The following GAS7 variants were observed in gnomAD, a reference collection of about 807,000 sequenced individuals.
The protein encoded by GAS7 is growth arrest specific 7.
GAS7 carries 28 observed loss-of-function variants against 71.1 expected under a neutral mutation model. That is an observed-to-expected ratio of 0.39 (90% CI 0.29 to 0.54). The LOEUF (loss-of-function observed/expected upper bound fraction) is 0.54, where lower values mean the gene tolerates loss of function less well. Among genes scored for constraint, GAS7 ranks in the 20% least tolerant of loss-of-function variants. The pLI, the probability that GAS7 is intolerant of heterozygous loss-of-function variation, is 0.62. For missense variants in GAS7, 436 were observed against 627.8 expected, an observed-to-expected ratio of 0.69 and a Z score of 3.27; for synonymous variants, 258 against 245.8, an observed-to-expected ratio of 1.05 and a Z score of -0.46.
rs56075019 is a variant in GAS7, at chr17:9,922,879, T to C, written c.1138+2597A>G. Among the ~76,000 whole-genome samples the C allele has an allele frequency of 3.4e-3, 524 of 152,298 alleles. 1 individual carries two copies. The highest frequency in any genetic ancestry group is 0.012 in the African/African-American group (494 of 41,568). ...TAAGGAAAAATAAATGTCTGGTGGG[T>C]TACATATTTCACTGTCTTTTTTTGT... On this transcript the variant is annotated intron_variant, in intron 11 of 13. Transcript: ENST00000432992.
chr17:10,142,922 G>C (rs555477574), intron 1 of GAS7, among the ~76,000 whole-genome samples: 106 of 151,978 alleles, frequency 7.0e-4, no homozygotes, highest in African/African-American at 2.6e-3. Context: ...TGTAATCCCC[G>C]CACTTTGGGA....
Position 9,919,855 on chromosome 17 carries a change from A to C in GAS7, c.1139-150T>G, listed in dbSNP as rs1290189758. 6 of 690,202 alleles carry C rather than the reference A, an allele frequency of 8.7e-6. No homozygotes were observed. The highest frequency in any genetic ancestry group is 8.2e-5 in the South Asian group (5 of 61,172). 42.8% of individuals were successfully genotyped at this position (690,202 alleles called of 1,614,324 possible). A position where few individuals can be genotyped will look rare whatever the true frequency, so the allele number is the denominator to read the frequency against. On this transcript the variant is annotated intron_variant, in intron 11 of 13. Coordinates refer to ENST00000432992, the MANE Select transcript of GAS7 (RefSeq NM_201433.2). This position sits in a 1 kb window ranked among gnomAD's most constrained non-coding sequence, Gnocchi z 5.0. Reference sequence around the variant, plus strand: ...GAAAAGGGATGGCAGTAGGAAGAAGAAGAAAGCAGAGCCAGGGAAGGAAGG... The same window carrying C: ...GAAAAGGGATGGCAGTAGGAAGAAGCAGAAAGCAGAGCCAGGGAAGGAAGG...
At chr17:10,165,230 T>C (rs2074284983) in intron 1 of GAS7, among the ~76,000 whole-genome samples, 1 of 143,408 alleles carries the variant, frequency 7.0e-6, no homozygotes, top group Non-Finnish European at 1.5e-5. Context: ...AGGCAGAGCT[T>C]GCAGTGAGCA....
At chr17:9,964,281 C>T (rs763673562) in intron 4 of GAS7, among the ~76,000 whole-genome samples, 5 of 152,078 alleles carry the variant, frequency 3.3e-5, no homozygotes, top group Non-Finnish European at 5.9e-5. Flanking sequence ...AGCAGGCCCC[C>T]GACTCCAAAT....
At chr17:9,950,774 T>G (rs111973308) in intron 5 of GAS7, among the ~76,000 whole-genome samples, 6,517 of 151,890 alleles carry the variant, frequency 0.043, 357 homozygotes, top group African/African-American at 0.11. Context: ...GAGAATTGTT[T>G]GAACCCGGGA....
intron 1 of GAS7, among the ~76,000 whole-genome samples, chr17:10,117,308 G>T (rs2073869396): frequency 6.6e-6 from 1 of 152,044 alleles, no homozygotes; most frequent in Non-Finnish European, 1.5e-5. Flanking sequence ...GGCCCACGTG[G>T]ATAATCCAGG....
Position 9,937,711 on chromosome 17 carries a change from C to T in GAS7, c.806+2415G>A, listed in dbSNP as rs901307503. Among the ~76,000 whole-genome samples the T allele has an allele frequency of 2.0e-5, 3 of 152,198 alleles. 1 individual carries two copies. The highest frequency in any genetic ancestry group is 6.5e-5 in the Admixed American group (1 of 15,286). ...CAGTCTCCTGAAGGATTTCAAGCCACGAAGGCAGATTTGGACTGGTTTAAC... is the reference window on the plus strand; with the variant it reads ...CAGTCTCCTGAAGGATTTCAAGCCATGAAGGCAGATTTGGACTGGTTTAAC... On this transcript the variant is annotated intron_variant, in intron 8 of 13. Transcript: ENST00000432992.
chr17:10,064,191 T>C (rs568747965), intron 1 of GAS7, among the ~76,000 whole-genome samples: 1 of 152,156 alleles, frequency 6.6e-6, no homozygotes, highest in Non-Finnish European at 1.5e-5. Context: ...ACGTTTTCAT[T>C]TCCCGGGCTC....
chr17:10,135,737 A>G (rs1386668253), intron 1 of GAS7, among the ~76,000 whole-genome samples: 2 of 152,118 alleles, frequency 1.3e-5, no homozygotes, highest in Admixed American at 6.6e-5. Context: ...CCCACTGCAG[A>G]CATCCACAGA....
intron 1 of GAS7, among the ~76,000 whole-genome samples, chr17:10,179,417 A>G (rs1226688031): frequency 3.9e-5 from 6 of 152,064 alleles, no homozygotes; most frequent in African/African-American, 1.2e-4. Context: ...ATATTTCAGG[A>G]GATCTTGGAT....
At chr17:9,951,880 C>T (rs1258987441) in intron 5 of GAS7, among the ~76,000 whole-genome samples, 3 of 152,050 alleles carry the variant, frequency 2.0e-5, no homozygotes, top group Non-Finnish European at 2.9e-5. Context: ...CTTGTTCCCC[C>T]CAGAATCTTC....
intron 1 of GAS7, among the ~76,000 whole-genome samples, chr17:10,104,812 G>A (rs1342581929): frequency 6.6e-6 from 1 of 152,084 alleles, no homozygotes; most frequent in Admixed American, 6.6e-5. Context: ...CTGCTGCCAT[G>A]CTGTTCCCTA....
At chr17:10,003,953 C>T (rs1249743651) in intron 2 of GAS7, among the ~76,000 whole-genome samples, 2 of 152,218 alleles carry the variant, frequency 1.3e-5, no homozygotes, top group Non-Finnish European at 2.9e-5. Flanking sequence ...AGGTCTTCCT[C>T]CAACAATAAC....
At chr17:10,172,356 G>C (rs895130105) in intron 1 of GAS7, among the ~76,000 whole-genome samples, 1 of 152,196 alleles carries the variant, frequency 6.6e-6, no homozygotes, top group African/African-American at 2.4e-5. Flanking sequence ...GGATTCCCCA[G>C]GGGGCAGCCA....
At position 10,010,628 on chromosome 17, in the gene GAS7, C is replaced by T. The variant is rs528013958; in HGVS notation, c.304+9149G>A. Among the ~76,000 whole-genome samples, 10 of 152,306 alleles carry T rather than the reference C, an allele frequency of 6.6e-5. No homozygotes were observed. The South Asian group carries it at 2.1e-3, about 32-fold the overall frequency. On this transcript the variant is annotated intron_variant, in intron 2 of 13. Transcript: ENST00000432992. ...TTGCAAATATTGTATGTCAAAAATG[C>T]ATGTATTACACCTAAACTACTGAAT...
intron 1 of GAS7, among the ~76,000 whole-genome samples, chr17:10,151,073 CA>C (rs1477177566): frequency 6.6e-6 from 1 of 152,192 alleles, no homozygotes; most frequent in East Asian, 1.9e-4. Context: ...AAGTGCTCTA[CA>C]AAAAAGTAGA....
chr17:10,198,404 G>C lies in GAS7; in HGVS notation c.-14C>G. ...AGCGCCGGACATGGCCTTGGCGCCC[G>C]GGTTCACAGCGCAGCCTGCATTCCC... On this transcript the variant is annotated 5_prime_UTR_variant, in exon 1 of 14. Coordinates refer to ENST00000432992, the MANE Select transcript of GAS7 (RefSeq NM_201433.2). 6.4e-7 allele frequency: 1 copy of C among 1,562,742 alleles called. No homozygotes were observed. The highest frequency in any genetic ancestry group is 8.6e-7 in the Non-Finnish European group (1 of 1,163,748).
At chr17:10,063,052 G>A (rs1567575760) in intron 1 of GAS7, among the ~76,000 whole-genome samples, 1 of 152,244 alleles carries the variant, frequency 6.6e-6, no homozygotes, top group Non-Finnish European at 1.5e-5. Flanking sequence ...CCCTTGCCTC[G>A]CTCTGTGCTC....
At chr17:10,179,236 G>A (rs992978453) in intron 1 of GAS7, among the ~76,000 whole-genome samples, 3 of 152,050 alleles carry the variant, frequency 2.0e-5, no homozygotes, top group East Asian at 1.9e-4. Flanking sequence ...GGCTGAGGCA[G>A]GAGAATCGCT....
Sources: gnomAD v4.1 joint callset for allele counts (sites outside exome capture counted in the v4.1 genomes callset) on GRCh38, gnomAD v4.1.1 for gene constraint, Gnocchi (gnomAD v3.1) non-coding constraint, MANE v1.5 for transcripts, NCBI Gene and HGNC (gene_info 2026-07-23, HGNC 2026-07-21) for gene names.